Variants in HTR2C observed in about 807,000 individuals in gnomAD.
The protein encoded by HTR2C is 5-hydroxytryptamine receptor 2C, also known as 5-hydroxytryptamine (serotonin) receptor 2C, G protein-coupled.
HTR2C carries 5 observed loss-of-function variants against 21.0 expected under a neutral mutation model. That is an observed-to-expected ratio of 0.24 (90% confidence interval 0.12 to 0.50). HTR2C has a LOEUF of 0.50. HTR2C is among the 20% of genes least tolerant of loss of function. HTR2C has a pLI of 0.98. For missense variants in HTR2C, 271 were observed against 371.2 expected, an observed-to-expected ratio of 0.73 and a Z score of 2.22; for synonymous variants, 150 against 145.3, an observed-to-expected ratio of 1.03 and a Z score of -0.23.
At chrX:114,892,978 T>C (rs1210034066) in intron 5 of HTR2C, among the ~76,000 whole-genome samples, 4 of 109,106 alleles carry the variant, frequency 3.7e-5, no homozygotes, top group South Asian at 3.9e-4. Context: ...AGTGGCATGA[T>C]CTTGGTTCAC....
intron 2 of HTR2C, among the ~76,000 whole-genome samples, chrX:114,657,040 C>A (rs1347600127): frequency 1.8e-5 from 2 of 110,932 alleles, no homozygotes; most frequent in Non-Finnish European, 3.8e-5. Context: ...TCAAAAACAA[C>A]TTTTCTAGTT....
intron 2 of HTR2C, among the ~76,000 whole-genome samples, chrX:114,635,629 G>GT (rs1355751332): frequency 9.0e-6 from 1 of 111,534 alleles, no homozygotes; most frequent in African/African-American, 3.3e-5. Context: ...CCATTCATCA[G>GT]TTTTTTTATG....
At chrX:114,628,328 G>T (rs782576602) in intron 2 of HTR2C, among the ~76,000 whole-genome samples, 2 of 107,205 alleles carry the variant, frequency 1.9e-5, no homozygotes, top group Non-Finnish European at 3.8e-5. Flanking sequence ...AACTTCTGCT[G>T]CCCGGGTTCA....
At chrX:114,847,587 T>C (rs189817365) in intron 4 of HTR2C, among the ~76,000 whole-genome samples, 3,850 of 44,704 alleles carry the variant, frequency 0.086, 175 homozygotes, top group African/African-American at 0.18. Context: ...TAAAGTATAA[T>C]AATAATTAAA....
intron 4 of HTR2C, among the ~76,000 whole-genome samples, chrX:114,764,935 TCC>T (rs1299545356): frequency 0.14 from 3,909 of 28,474 alleles, 176 homozygotes; most frequent in East Asian, 0.34. Flanking sequence ...TTTCCTTCCT[TCC>T]TTCCTTCCTT....
intron 4 of HTR2C, among the ~76,000 whole-genome samples, chrX:114,847,594 TAAAA>T (rs5903437): frequency 9.8e-6 from 1 of 101,840 alleles, no homozygotes; most frequent in Admixed American, 1.1e-4. Flanking sequence ...TAATAATAAT[TAAAA>T]AAAAAAGATA....
At position 114,726,966 on chromosome X, in the gene HTR2C, A is replaced by G; in HGVS notation, c.30A>G (p.Ser10=). MVNLRNAVH[S]FLVHLIGLLV... ...TGAACCTGAGGAATGCGGTGCATTC[A>G]TTCCTGTAAGGATGTTACTACTTAT... The change falls in exon 3 of 6, where the codon TCA becomes TCG. Residue 10 remains serine (S), a synonymous_variant. Coordinates refer to ENST00000276198, the MANE Select transcript of HTR2C (RefSeq NM_000868.4). The G allele has an allele frequency of 9.1e-7, 1 of 1,094,638 alleles. No homozygotes were observed. Among genetic ancestry groups the G allele is most frequent in the Non-Finnish European group, 1.2e-6 (1 of 820,834 alleles). 90.2% of individuals were successfully genotyped at this position (1,094,638 alleles called of 1,213,427 possible).
intron 5 of HTR2C, among the ~76,000 whole-genome samples, chrX:114,900,117 A>G (rs1556484946): frequency 9.0e-6 from 1 of 111,392 alleles, no homozygotes; most frequent in African/African-American, 3.3e-5. Context: ...ATTTTTGGTC[A>G]GGGCGTTTCC....
chrX:114,608,136 G>A (rs1928551823), intron 1 of HTR2C, among the ~76,000 whole-genome samples: 1 of 111,271 alleles, frequency 9.0e-6, no homozygotes, highest in African/African-American at 3.3e-5. Flanking sequence ...CTCCCCTACT[G>A]TTTCATTAAA....
intron 4 of HTR2C, among the ~76,000 whole-genome samples, chrX:114,847,349 A>G (rs1336160168): frequency 3.1e-5 from 3 of 97,038 alleles, no homozygotes; most frequent in Non-Finnish European, 4.1e-5. Flanking sequence ...AAAAAACCAA[A>G]CACTGCATGT....
chrX:114,869,683 G>T (rs1657685364), intron 5 of HTR2C, among the ~76,000 whole-genome samples: 1 of 111,887 alleles, frequency 8.9e-6, no homozygotes, highest in Non-Finnish European at 1.9e-5. Flanking sequence ...GCTCTAGCAT[G>T]GACTTTCAGT....
chrX:114,880,333 T>C (rs2071171565), intron 5 of HTR2C, among the ~76,000 whole-genome samples: 1 of 110,950 alleles, frequency 9.0e-6, no homozygotes, highest in South Asian at 3.6e-4. Flanking sequence ...TTTTAAATAC[T>C]ATAATGTTTT....
chrX:114,675,844 T>TTTAAGACTTTTC (rs1365637215), intron 2 of HTR2C, among the ~76,000 whole-genome samples: 1 of 110,145 alleles, frequency 9.1e-6, no homozygotes, highest in African/African-American at 3.3e-5. Context: ...TTTCTAAGTT[T>TTTAAGACTTTTC]TTAAGACTTT....
intron 3 of HTR2C, among the ~76,000 whole-genome samples, chrX:114,730,913 C>T (rs1556423084): frequency 9.0e-6 from 1 of 111,394 alleles, no homozygotes; most frequent in African/African-American, 3.3e-5. Flanking sequence ...ACCCTGGCCC[C>T]GCCACTTACT....
At chrX:114,793,206 G>A (rs781873347) in intron 4 of HTR2C, among the ~76,000 whole-genome samples, 2 of 111,121 alleles carry the variant, frequency 1.8e-5, no homozygotes, top group Non-Finnish European at 3.8e-5. Context: ...CATGCCTACA[G>A]ACATATAATA....
At chrX:114,853,843 A>T (rs1328555279) in intron 5 of HTR2C, among the ~76,000 whole-genome samples, 1 of 111,998 alleles carries the variant, frequency 8.9e-6, no homozygotes, top group Non-Finnish European at 1.9e-5. Context: ...ATTAACGTTA[A>T]CATTAACTTG....
At chrX:114,757,974 AAC>A (rs782288836) in intron 4 of HTR2C, among the ~76,000 whole-genome samples, 6 of 108,677 alleles carry the variant, frequency 5.5e-5, no homozygotes, top group African/African-American at 6.7e-5. Flanking sequence ...CATACACACA[AAC>A]ACACACACAC....
At chrX:114,678,756 T>G (rs1460007629) in intron 2 of HTR2C, among the ~76,000 whole-genome samples, 3 of 111,550 alleles carry the variant, frequency 2.7e-5, no homozygotes, top group Non-Finnish European at 5.6e-5. Context: ...ATAGGAATTT[T>G]CATCTCCCAC....
intron 5 of HTR2C, among the ~76,000 whole-genome samples, chrX:114,903,175 C>A (rs1378173997): frequency 9.0e-6 from 1 of 111,352 alleles, no homozygotes; most frequent in Non-Finnish European, 1.9e-5. Flanking sequence ...AGACAGTGTA[C>A]AACATATATT....
Sources: allele counts gnomAD v4.1 joint callset (sites outside exome capture counted in the v4.1 genomes callset), GRCh38; gene constraint gnomAD v4.1.1; transcripts MANE v1.5; gene names NCBI Gene and HGNC (gene_info 2026-07-23, HGNC 2026-07-21).